ERC2: variants seen among roughly 807,000 people sequenced by gnomAD.
The protein encoded by ERC2 is ELKS/RAB6-interacting/CAST family member 2.
ERC2 carries 42 observed loss-of-function variants against 114.8 expected under a neutral mutation model. The observed-to-expected ratio is 0.37, with a 90% CI of 0.29 to 0.47. ERC2 has a LOEUF of 0.47. Ranked by LOEUF, ERC2 falls within the 20% of genes least tolerant of loss-of-function variation. ERC2 has a pLI of 0.99. For synonymous variants in ERC2, 454 were observed against 425.5 expected (o/e 1.07, Z -0.82); for missense variants, 939 against 1,150.7 (o/e 0.82, Z 2.66).
chr3:56,364,319 T>G (rs1386099511), intron 2 of ERC2, among the ~76,000 whole-genome samples: 1 of 152,208 alleles, frequency 6.6e-6, no homozygotes, highest in Non-Finnish European at 1.5e-5. Flanking sequence ...AGTGTCGAGC[T>G]GTCAATAGCT....
intron 2 of ERC2, among the ~76,000 whole-genome samples, chr3:56,321,680 T>C (rs2150423704): frequency 6.6e-6 from 1 of 152,362 alleles, no homozygotes; most frequent in African/African-American, 2.4e-5. Flanking sequence ...CAGTTGAGCC[T>C]ACGTTCTGTT....
chr3:56,052,600 G>A lies in ERC2; in HGVS notation c.1641+28217C>T, dbSNP rs369144966. ...TTTAAATTCTGTGTGTGTTGGGCAGGTTAGCTAATGTCTTTGAGCCTCATT... is the reference window on the plus strand; with the variant it reads ...TTTAAATTCTGTGTGTGTTGGGCAGATTAGCTAATGTCTTTGAGCCTCATT... On this transcript the variant is annotated intron_variant, in intron 7 of 17. Coordinates refer to ENST00000288221, the MANE Select transcript of ERC2 (RefSeq NM_015576.3). Among the ~76,000 whole-genome samples, 4 of 152,310 alleles carry A rather than the reference G, an allele frequency of 2.6e-5. No individual in the cohort carries two copies. The East Asian group carries it at 7.7e-4, about 29-fold the overall frequency.
At chr3:55,932,054 G>A (rs944173854) in intron 13 of ERC2, among the ~76,000 whole-genome samples, 1 of 152,090 alleles carries the variant, frequency 6.6e-6, no homozygotes, top group Non-Finnish European at 1.5e-5. Flanking sequence ...CTCCTCCCAT[G>A]TTTTCATAAG....
chr3:56,365,548 G>T (rs1166327423), intron 2 of ERC2, among the ~76,000 whole-genome samples: 1 of 152,246 alleles, frequency 6.6e-6, no homozygotes, highest in Non-Finnish European at 1.5e-5. Flanking sequence ...CCAGAGCAGG[G>T]ATTGGCAAAC....
intron 17 of ERC2, among the ~76,000 whole-genome samples, chr3:55,550,350 T>C (rs1296870486): frequency 1.3e-5 from 2 of 152,330 alleles, no homozygotes; most frequent in African/African-American, 4.8e-5. Context: ...TCTCACTTAG[T>C]TCCATCTCTT....
At chr3:56,438,763 G>A (rs1460443729) in intron 1 of ERC2, among the ~76,000 whole-genome samples, 1 of 152,108 alleles carries the variant, frequency 6.6e-6, no homozygotes, top group Non-Finnish European at 1.5e-5. Flanking sequence ...TCTGTGGCTA[G>A]GCTTGAGGTC....
intron 8 of ERC2, among the ~76,000 whole-genome samples, chr3:56,012,035 C>A (rs138775112): frequency 6.6e-6 from 1 of 152,106 alleles, no homozygotes; most frequent in Non-Finnish European, 1.5e-5. Flanking sequence ...AGAGAGGAGG[C>A]AGAAATATAA....
chr3:56,430,540 C>A (rs1559492102), intron 2 of ERC2, among the ~76,000 whole-genome samples: 1 of 152,202 alleles, frequency 6.6e-6, no homozygotes, highest in South Asian at 2.1e-4. Flanking sequence ...GATAACACTG[C>A]ACTTTGGGAG....
intron 2 of ERC2, among the ~76,000 whole-genome samples, chr3:56,332,474 G>A (rs751999286): frequency 2.2e-4 from 34 of 152,092 alleles, no homozygotes; most frequent in Non-Finnish European, 3.7e-4. Context: ...AAAGTAATAC[G>A]CCCAACAACA....
chr3:55,726,604 G>A (rs536596443), intron 15 of ERC2, among the ~76,000 whole-genome samples: 5 of 152,276 alleles, frequency 3.3e-5, no homozygotes, highest in South Asian at 2.1e-4. Flanking sequence ...CCACATCTGC[G>A]ACTAATCCTT....
intron 4 of ERC2, among the ~76,000 whole-genome samples, chr3:56,162,841 T>C (rs2082123103): frequency 1.3e-5 from 2 of 152,114 alleles, no homozygotes. Context: ...TGATTCTTTG[T>C]ATGCATTTTT....
At chr3:56,293,240 A>G (rs2150351207) in intron 3 of ERC2, among the ~76,000 whole-genome samples, 1 of 152,328 alleles carries the variant, frequency 6.6e-6, no homozygotes, top group African/African-American at 2.4e-5. Context: ...GGGAACCGTG[A>G]GTGGTTAATA....
At chr3:55,885,962 C>T (rs1455334169) in intron 14 of ERC2, among the ~76,000 whole-genome samples, 1 of 152,206 alleles carries the variant, frequency 6.6e-6, no homozygotes, top group African/African-American at 2.4e-5. Flanking sequence ...TTCACCATTA[C>T]TTGTTCTCTC....
chr3:56,137,314 G>A (rs74791370), intron 6 of ERC2, among the ~76,000 whole-genome samples: 18 of 152,178 alleles, frequency 1.2e-4, no homozygotes, highest in Non-Finnish European at 2.4e-4. Context: ...CGGTAATCCT[G>A]GTATTATTGA....
At chr3:55,863,145 G>A (rs765904471) in intron 14 of ERC2, among the ~76,000 whole-genome samples, 11 of 152,092 alleles carry the variant, frequency 7.2e-5, no homozygotes, top group African/African-American at 1.2e-4. Flanking sequence ...AACTGTCAGC[G>A]CCAGGAGACT....
intron 3 of ERC2, among the ~76,000 whole-genome samples, chr3:56,200,348 G>A (rs1250389234): frequency 4.5e-4 from 64 of 141,342 alleles, no homozygotes; most frequent in South Asian, 6.8e-4. Context: ...ATACTCAGGG[G>A]AAAAAAAAAA....
intron 17 of ERC2, among the ~76,000 whole-genome samples, chr3:55,609,236 C>G (rs990465383): frequency 1.3e-5 from 2 of 152,140 alleles, no homozygotes; most frequent in Admixed American, 6.5e-5. Flanking sequence ...AACACATTTG[C>G]CCCCACTTTT....
chr3:55,667,157 C>T (rs4974190), intron 17 of ERC2, among the ~76,000 whole-genome samples: 72,764 of 151,880 alleles, frequency 0.48, 17,723 homozygotes, highest in East Asian at 0.56. Flanking sequence ...AAACATAATA[C>T]GAAAAACAAT....
intron 17 of ERC2, among the ~76,000 whole-genome samples, chr3:55,546,675 T>C (rs2054774573): frequency 6.6e-6 from 1 of 152,200 alleles, no homozygotes; most frequent in South Asian, 2.1e-4. Flanking sequence ...TCCTCCCATT[T>C]CATGAATGAG....
Sources: gnomAD v4.1 joint callset for allele counts (sites outside exome capture counted in the v4.1 genomes callset) on GRCh38, gnomAD v4.1.1 for gene constraint, MANE v1.5 for transcripts, NCBI Gene and HGNC (gene_info 2026-07-23, HGNC 2026-07-21) for gene names.